The following MTA3 variants were observed in gnomAD, a reference collection of about 807,000 sequenced individuals.
MTA3 encodes the protein metastasis-associated protein MTA3.
A neutral mutation model predicts 83.5 loss-of-function variants in MTA3; 34 were observed. The ratio of observed to expected loss-of-function variants is 0.41; its 90% CI spans 0.31 to 0.54. MTA3 has a LOEUF of 0.54. Among genes scored for constraint, MTA3 ranks in the 20% least tolerant of loss-of-function variants. The pLI is 0.33. For missense variants in MTA3, 761 were observed against 726.4 expected (o/e 1.05, Z -0.55); for synonymous variants, 303 against 252.7 (o/e 1.20, Z -1.89).
intron 2 of MTA3, among the ~76,000 whole-genome samples, chr2:42,521,786 A>C: frequency 1.7e-5 from 2 of 119,992 alleles, no homozygotes; most frequent in African/African-American, 3.3e-5. Flanking sequence ...ACAGAGTCTC[A>C]CTCTGTTGCC....
intron 9 of MTA3, among the ~76,000 whole-genome samples, chr2:42,688,592 G>C (rs940277523): frequency 9.2e-5 from 13 of 141,360 alleles, no homozygotes; most frequent in African/African-American, 3.1e-4. Context: ...TTGAGAGTTT[G>C]TTATGTATTT....
intron 4 of MTA3, among the ~76,000 whole-genome samples, chr2:42,612,042 G>T (rs2104106682): frequency 6.6e-6 from 1 of 152,268 alleles, no homozygotes; most frequent in East Asian, 1.9e-4. Flanking sequence ...TAAGTCATTT[G>T]CTGGAAAAGA....
intron 15 of MTA3, among the ~76,000 whole-genome samples, 187 bp downstream of exon 15, chr2:42,719,261 TACAC>T (rs961225274): frequency 6.6e-6 from 1 of 151,996 alleles, no homozygotes; most frequent in South Asian, 2.1e-4. Context: ...CACACACACA[TACAC>T]ACACAGATTT....
At chr2:42,567,335 T>C (rs926526361), upstream of MTA3, among the ~76,000 whole-genome samples, 1 of 152,196 alleles carries the variant, frequency 6.6e-6, no homozygotes, top group African/African-American at 2.4e-5. Flanking sequence ...TATTTTTATA[T>C]TTTGCCTCAG....
intron 2 of MTA3, among the ~76,000 whole-genome samples, chr2:42,514,672 C>T (rs1325328361): frequency 1.1e-5 from 1 of 89,868 alleles, no homozygotes; most frequent in South Asian, 4.0e-4. Context: ...CAGGCATGAG[C>T]GCCCAGCCCC....
chr2:42,609,712 G>C, intron 4 of MTA3, 128 bp downstream of exon 4: 1 of 1,069,788 alleles, frequency 9.3e-7, no homozygotes, highest in Non-Finnish European at 1.3e-6. Flanking sequence ...CTTCATAATG[G>C]AATTTTAGGT....
intron 2 of MTA3, among the ~76,000 whole-genome samples, chr2:42,505,967 G>A (rs890111526): frequency 6.6e-6 from 1 of 151,840 alleles, no homozygotes; most frequent in African/African-American, 2.4e-5. Context: ...GTTTCACCGT[G>A]TCAGCCAGGC....
intron 4 of MTA3, among the ~76,000 whole-genome samples, chr2:42,625,746 C>G (rs1328711207): frequency 2.0e-5 from 1 of 51,224 alleles, no homozygotes; most frequent in Non-Finnish European, 4.1e-5. Context: ...GACTCCATCT[C>G]AAAAAAAAAA....
intron 16 of MTA3, among the ~76,000 whole-genome samples, chr2:42,733,188 G>A (rs1326875337): frequency 6.6e-6 from 1 of 152,202 alleles, no homozygotes; most frequent in Non-Finnish European, 1.5e-5. Context: ...AGAATGGGAA[G>A]AAAAAGAGGT....
chr2:42,643,186 A>G (rs1414736878), intron 5 of MTA3, among the ~76,000 whole-genome samples: 1 of 151,898 alleles, frequency 6.6e-6, no homozygotes, highest in African/African-American at 2.4e-5. Context: ...AAGAACTCCC[A>G]TAGGAGAGAT....
chr2:42,719,155 C>T (rs1454278055), intron 15 of MTA3, 81 bp downstream of exon 15: 2 of 1,022,928 alleles, frequency 2.0e-6, no homozygotes, highest in Non-Finnish European at 3.0e-6. Context: ...AATGGACATA[C>T]CTAAACTAAT....
intron 2 of MTA3, among the ~76,000 whole-genome samples, chr2:42,512,136 C>G (rs1349240365): frequency 1.4e-5 from 2 of 146,414 alleles, no homozygotes; most frequent in East Asian, 2.0e-4. Context: ...TTTCTTTTTC[C>G]TTTTTTTTTT....
At chr2:42,614,525 ACTC>A (rs1684619658) in intron 4 of MTA3, among the ~76,000 whole-genome samples, 2 of 151,996 alleles carry the variant, frequency 1.3e-5, no homozygotes, top group South Asian at 4.2e-4. Flanking sequence ...GGGCAACACA[ACTC>A]CTCACAATTA....
chr2:42,754,029 C>G lies in MTA3; in HGVS notation c.*630C>G. ...CCCTCCCTCCTACTCCTCCAAGGAA[C>G]AGAATTACCGAGGTTCTGACAAAAG... On this transcript the variant is annotated 3_prime_UTR_variant, in exon 17 of 17. Coordinates refer to ENST00000405094, the MANE Select transcript of MTA3 (RefSeq NM_001330442.2). The G allele has an allele frequency of 1.0e-6, 1 of 985,546 alleles. No homozygotes were observed. The highest frequency in any genetic ancestry group is 1.2e-6 in the Non-Finnish European group (1 of 830,022). The allele number at this position is 985,546 out of a possible 1,614,324, so 61.1% of individuals were successfully genotyped here. A position where few individuals can be genotyped will look rare whatever the true frequency, so the allele number is the denominator to read the frequency against.
chr2:42,641,172 G>T (rs1444253845), intron 5 of MTA3, among the ~76,000 whole-genome samples: 1 of 150,082 alleles, frequency 6.7e-6, no homozygotes, highest in Non-Finnish European at 1.5e-5. Context: ...CTCCCAAAGT[G>T]CTGGGATCAG....
At chr2:42,522,334 C>A (rs937498361) in intron 2 of MTA3, among the ~76,000 whole-genome samples, 1 of 152,116 alleles carries the variant, frequency 6.6e-6, no homozygotes, top group Non-Finnish European at 1.5e-5. Context: ...TGTGGCATCC[C>A]TGGGAGGGTA....
At chr2:42,622,999 GTA>G (rs1333026684) in intron 4 of MTA3, among the ~76,000 whole-genome samples, 1 of 152,176 alleles carries the variant, frequency 6.6e-6, no homozygotes, top group Non-Finnish European at 1.5e-5. Context: ...AGATTCACAA[GTA>G]TAATACAACT....
chr2:42,717,092 T>C (rs1385357067), intron 14 of MTA3, among the ~76,000 whole-genome samples: 1 of 151,968 alleles, frequency 6.6e-6, no homozygotes, highest in African/African-American at 2.4e-5. Context: ...AAAATGCTCT[T>C]TTGCCATCTT....
intron 3 of MTA3, among the ~76,000 whole-genome samples, chr2:42,589,840 A>T (rs984937929): frequency 1.7e-4 from 26 of 152,162 alleles, no homozygotes; most frequent in African/African-American, 5.8e-4. Flanking sequence ...AGAGACCTGT[A>T]TTGTATTTCT....
Sources: allele counts gnomAD v4.1 joint callset (sites outside exome capture counted in the v4.1 genomes callset), GRCh38; gene constraint gnomAD v4.1.1; transcripts MANE v1.5; gene names NCBI Gene and HGNC (gene_info 2026-07-23, HGNC 2026-07-21).